The following USP25 variants were observed in gnomAD, a reference collection of about 807,000 sequenced individuals.
USP25 encodes ubiquitin carboxyl-terminal hydrolase 25.
Under a neutral mutation model 158.5 loss-of-function variants are expected in USP25, and 85 were observed. The observed-to-expected ratio is 0.54, with a 90% CI of 0.45 to 0.64. The LOEUF is 0.64. Ranked by LOEUF, USP25 falls within the 30% of genes least tolerant of loss-of-function variation. The probability of loss-of-function intolerance (pLI) is 0.00; values close to 1 mark genes in which losing one functional copy is unlikely to be tolerated. For synonymous variants in USP25, 464 were observed against 460.4 expected (o/e 1.01, Z -0.10); for missense variants, 1,242 against 1,327.3 (o/e 0.94, Z 1.00).
chr21:15,830,638 T>A, intron 15 of USP25, 37 bp downstream of exon 15: 1 of 1,427,854 alleles, frequency 7.0e-7, no homozygotes, highest in Non-Finnish European at 9.6e-7. Flanking sequence ...ATTGTCAAAA[T>A]TATTTACATA....
rs1215316491 is a variant in USP25, at chr21:15,765,987, A to T, written c.124-10A>T. ...CAAAACACTTGATACTCCTTTCTTG[A>T]TATTTGAAGGATAGTAATGGAAACT... On this transcript the variant is annotated splice_polypyrimidine_tract_variant and intron_variant, in intron 2 of 25. Coordinates refer to ENST00000400183, the MANE Select transcript of USP25 (RefSeq NM_001283041.3). 6.3e-7 allele frequency: 1 copy of T among 1,596,122 alleles called. No homozygotes were observed. Among genetic ancestry groups the T allele is most frequent in the Non-Finnish European group, 8.5e-7 (1 of 1,173,362 alleles).
rs890884028 is a variant in USP25, at chr21:15,862,752, A to G, written c.2548-1516A>G. ...TTGGAATGACATGTATATCCTCAAA[A>G]AAAAAAAAGTCAGTTTTTTCAAGGG... On this transcript the variant is annotated intron_variant, in intron 20 of 25. Coordinates refer to ENST00000400183, the MANE Select transcript of USP25 (RefSeq NM_001283041.3). Among the ~76,000 whole-genome samples the G allele has an allele frequency of 3.3e-5, 5 of 151,824 alleles. No individual in the cohort carries two copies. In the South Asian group the frequency reaches 1.0e-3, roughly 32 times the overall value.
Position 15,792,516 on chromosome 21 carries a change from C to T in USP25, c.555+852C>T, listed in dbSNP as rs556510800. ...TCATGTTCGTGATGAATGCTTTTTC[C>T]TTCATTGGACATGCATGCTATTTTT... On this transcript the variant is annotated intron_variant, in intron 5 of 25. Coordinates refer to ENST00000400183, the MANE Select transcript of USP25 (RefSeq NM_001283041.3). 2.0e-5 allele frequency among the ~76,000 whole-genome samples: 3 copies of T among 151,494 alleles called. No individual in the cohort carries two copies. In the East Asian group the frequency reaches 5.8e-4, roughly 29 times the overall value.
intron 20 of USP25, among the ~76,000 whole-genome samples, chr21:15,852,998 A>G (rs557623757): frequency 2.0e-5 from 3 of 152,312 alleles, no homozygotes; most frequent in East Asian, 1.9e-4. Context: ...AAAGTAATGT[A>G]TACAAAATGC....
intron 18 of USP25, 42 bp from the exon 19 acceptor site, chr21:15,847,621 G>T: frequency 7.2e-7 from 1 of 1,383,374 alleles, no homozygotes; most frequent in African/African-American, 1.4e-5. Flanking sequence ...GTTCTCCACT[G>T]TTCTCTTTTC....
At chr21:15,730,544 T>C in intron 1 of USP25, 106 bp downstream of exon 1, 1 of 1,203,958 alleles carries the variant, frequency 8.3e-7, no homozygotes, top group Non-Finnish European at 1.0e-6. Context: ...CTTCCCGGGC[T>C]TCCTCCCCGG....
rs1411922287 is a variant in USP25 at position 15,750,222 on chromosome 21, T to G, written c.46-12669T>G. ...TGTGTGTGTGTGTGTATGTTTTTTT[T>G]TTTTTTTTTTTTTTTCCTTGAGACA... On this transcript the variant is annotated intron_variant, in intron 1 of 25. Coordinates refer to ENST00000400183, the MANE Select transcript of USP25 (RefSeq NM_001283041.3). 2.1e-3 allele frequency among the ~76,000 whole-genome samples: 299 copies of G among 143,028 alleles called. 4 individuals are homozygous for G. The highest frequency in any genetic ancestry group is 7.7e-3 in the African/African-American group (287 of 37,494). The allele number at this position is 143,028 out of a possible 152,430, so 93.8% of individuals were successfully genotyped here. A position where few individuals can be genotyped will look rare whatever the true frequency, so the allele number is the denominator to read the frequency against.
At chr21:15,783,964 C>T (rs910086427) in intron 4 of USP25, among the ~76,000 whole-genome samples, 8 of 151,760 alleles carry the variant, frequency 5.3e-5, no homozygotes, top group East Asian at 3.9e-4. Context: ...AGCGAGACTC[C>T]GTCTCAAAAA....
intron 10 of USP25, among the ~76,000 whole-genome samples, chr21:15,822,186 A>G (rs1261529949): frequency 2.6e-5 from 4 of 151,950 alleles, no homozygotes; most frequent in Non-Finnish European, 5.9e-5. Flanking sequence ...CAAATTATGT[A>G]CTGCTATACT....
At chr21:15,795,484 A>G (rs1164492737) in intron 5 of USP25, among the ~76,000 whole-genome samples, 1 of 151,552 alleles carries the variant, frequency 6.6e-6, no homozygotes, top group Non-Finnish European at 1.5e-5. Context: ...GTTCTGTCCC[A>G]TAGACCATTT....
In USP25 at chr21:15,777,803, C is replaced by T. The variant is rs952944168; in HGVS notation, c.269-101C>T. 2.7e-6 allele frequency: 3 copies of T among 1,107,120 alleles called. No individual in the cohort carries two copies. In the African/African-American group the frequency reaches 4.8e-5, roughly 18 times the overall value. 68.6% of individuals were successfully genotyped at this position (1,107,120 alleles called of 1,614,324 possible). A position where few individuals can be genotyped will look rare whatever the true frequency, so the allele number is the denominator to read the frequency against. On this transcript the variant is annotated intron_variant, in intron 3 of 25. Coordinates refer to ENST00000400183, the MANE Select transcript of USP25 (RefSeq NM_001283041.3). ...TTTAGAAATACAAAATTAGTTGGTA[C>T]TGACTGGTTTAAAGAGTATATTGGA...
intron 4 of USP25, 89 bp downstream of exon 4, chr21:15,778,116 G>C (rs1313716749): frequency 8.1e-7 from 1 of 1,241,552 alleles, no homozygotes; most frequent in Non-Finnish European, 1.1e-6. Context: ...GAGGTAATAA[G>C]ATATACTTTG....
In USP25 at chr21:15,811,049, T is replaced by C. The variant is rs1372364251; in HGVS notation, c.858-88T>C. ...CGTGATAGCCACATAAGTGTTTTTG[T>C]CTTGTCATATGTTATAGTTCTTTAA... On this transcript the variant is annotated intron_variant, in intron 8 of 25. Transcript: ENST00000400183. The C allele has an allele frequency of 3.4e-6, 4 of 1,188,486 alleles. No individual in the cohort carries two copies. In the Admixed American group the frequency reaches 9.3e-5, roughly 28 times the overall value. 73.6% of individuals were successfully genotyped at this position (1,188,486 alleles called of 1,614,324 possible).
intron 17 of USP25, among the ~76,000 whole-genome samples, chr21:15,842,067 G>A (rs553634104): frequency 1.3e-5 from 2 of 152,218 alleles, no homozygotes; most frequent in African/African-American, 4.8e-5. Flanking sequence ...CAAGATTGCT[G>A]TTCAAACCAA....
intron 20 of USP25, 82 bp from the exon 21 acceptor site, chr21:15,864,186 G>T: frequency 1.6e-5 from 21 of 1,284,796 alleles, no homozygotes; most frequent in Non-Finnish European, 2.2e-5. Context: ...TTAAATGCAA[G>T]AAGAATTAAA....
intron 1 of USP25, among the ~76,000 whole-genome samples, chr21:15,734,872 A>G (rs1269679127): frequency 6.6e-6 from 1 of 152,180 alleles, no homozygotes; most frequent in Non-Finnish European, 1.5e-5. Context: ...TACATACGAT[A>G]TATGAATATT....
intron 1 of USP25, among the ~76,000 whole-genome samples, chr21:15,761,047 T>C (rs1259885477): frequency 2.0e-5 from 3 of 152,242 alleles, no homozygotes; most frequent in Non-Finnish European, 4.4e-5. Context: ...CTGCTTTTCA[T>C]GGCATAGACA....
chr21:15,738,820 C>T (rs1200346212), intron 1 of USP25, among the ~76,000 whole-genome samples: 2 of 152,188 alleles, frequency 1.3e-5, no homozygotes, highest in African/African-American at 4.8e-5. Flanking sequence ...AGATCGACCC[C>T]TGACCTAATC....
intron 18 of USP25, among the ~76,000 whole-genome samples, chr21:15,845,945 A>G (rs2038563559): frequency 6.6e-6 from 1 of 151,586 alleles, no homozygotes; most frequent in Non-Finnish European, 1.5e-5. Flanking sequence ...AAAGTAGTAC[A>G]ATGACTCATA....
Sources: gnomAD v4.1 joint callset for allele counts (sites outside exome capture counted in the v4.1 genomes callset) on GRCh38, gnomAD v4.1.1 for gene constraint, MANE v1.5 for transcripts, NCBI Gene and HGNC (gene_info 2026-07-23, HGNC 2026-07-21) for gene names.